FHOD3: variants seen among roughly 807,000 people sequenced by gnomAD.
FHOD3 encodes formin homology 2 domain containing 3.
In FHOD3, 90 loss-of-function variants were observed where a neutral mutation model predicts 173.0. The ratio of observed to expected loss-of-function variants is 0.52; its 90% CI spans 0.44 to 0.62. The LOEUF (loss-of-function observed/expected upper bound fraction) is 0.62, where lower values mean the gene tolerates loss of function less well. FHOD3 is among the 20% of genes least tolerant of loss of function. FHOD3 has a pLI of 0.00. For synonymous variants in FHOD3, 828 were observed against 823.0 expected (o/e 1.01, Z -0.10); for missense variants, 1,945 against 2,034.7 (o/e 0.96, Z 0.85).
intron 3 of FHOD3, among the ~76,000 whole-genome samples, chr18:36,481,768 T>C (rs1381265952): frequency 6.6e-6 from 1 of 152,216 alleles, no homozygotes; most frequent in African/African-American, 2.4e-5. Context: ...TATTTTTCTC[T>C]CATGGCTGAC....
chr18:36,715,443 A>T (rs1005283116), intron 18 of FHOD3, among the ~76,000 whole-genome samples: 1 of 152,140 alleles, frequency 6.6e-6, no homozygotes, highest in African/African-American at 2.4e-5. Context: ...TCTTTCCTTT[A>T]TAAATTACCC....
In FHOD3 at chr18:36,652,659, C is replaced by T. The variant is rs1408163485; in HGVS notation, c.1376C>T (p.Ser459Leu). The change falls in exon 12 of 29, where the codon TCG becomes TTG. Residue 459 changes from serine to leucine, a missense_variant. Coordinates refer to ENST00000590592, the MANE Select transcript of FHOD3 (RefSeq NM_001281740.3). ...CTCCCTGCTGTCTCGAATGCCAGCT[C>T]GCAGGGAAAGCCGCTTCTGGTTGGC... is the stretch of plus-strand genomic sequence containing the variant. ...SALPAVSNAS[S>L]QGKPLLVGTA... 18 of 1,535,502 alleles carry T rather than the reference C, an allele frequency of 1.2e-5. No individual in the cohort carries two copies. Among genetic ancestry groups the T allele is most frequent in the Admixed American group, 2.0e-5 (1 of 50,966 alleles).
chr18:36,337,202 A>G (rs922982929), intron 1 of FHOD3, among the ~76,000 whole-genome samples: 1 of 151,702 alleles, frequency 6.6e-6, no homozygotes, highest in Admixed American at 6.6e-5. Flanking sequence ...TAATTTTTAT[A>G]TTAAAGGTCA....
intron 3 of FHOD3, among the ~76,000 whole-genome samples, chr18:36,469,257 ACTC>A (rs1461813986): frequency 2.0e-5 from 3 of 152,092 alleles, no homozygotes; most frequent in Admixed American, 2.0e-4. Context: ...ATTACTGTTT[ACTC>A]CTTCTTTATG....
At chr18:36,460,347 T>C (rs1351530642) in intron 3 of FHOD3, among the ~76,000 whole-genome samples, 2 of 152,364 alleles carry the variant, frequency 1.3e-5, no homozygotes, top group East Asian at 1.9e-4. Context: ...TATGTATTTA[T>C]TGAGTCATCT....
Position 36,512,530 on chromosome 18 carries a change from C to T in FHOD3, c.498C>T (p.Asn166=). The T allele has an allele frequency of 6.2e-7, 1 of 1,613,526 alleles. No homozygotes were observed. Among genetic ancestry groups the T allele is most frequent in the Non-Finnish European group, 8.5e-7 (1 of 1,179,592 alleles). ...CTGAGGCTGATCAGAACTATCAGAA[C>T]TACATCTTAAGGGGTAAGTCATGAC... ...VGAEADQNYQ[N]YILRALGQIM... Residue 166 remains asparagine (N), a synonymous_variant, in exon 5 of 29, where the codon AAC becomes AAT. Transcript: ENST00000590592.
chr18:36,393,086 C>G (rs1054479191), intron 3 of FHOD3, among the ~76,000 whole-genome samples: 5 of 152,246 alleles, frequency 3.3e-5, no homozygotes, highest in Non-Finnish European at 5.9e-5. Flanking sequence ...GGCAGAAATG[C>G]TGCAGCCAGC....
At chr18:36,754,977 TTATTATTA>T (rs1171088319) in intron 24 of FHOD3, 134 bp from the exon 25 acceptor site, 4 of 44,552 alleles carry the variant, frequency 9.0e-5, no homozygotes, top group South Asian at 9.3e-4. Context: ...GTTGGTTTCT[TTATTATTA>T]TTATTATTAT....
chr18:36,712,832 A>T (rs1216212417), intron 18 of FHOD3, among the ~76,000 whole-genome samples: 3 of 147,888 alleles, frequency 2.0e-5, no homozygotes, highest in Non-Finnish European at 3.0e-5. Flanking sequence ...AAACTTATGA[A>T]AACTAAAGAC....
At chr18:36,752,404 G>A (rs2042440911) in intron 24 of FHOD3, among the ~76,000 whole-genome samples, 1 of 152,222 alleles carries the variant, frequency 6.6e-6, no homozygotes, top group African/African-American at 2.4e-5. Context: ...GGGCTAGACA[G>A]TGGCAGGCTT....
rs908795591 is a variant in FHOD3, at chr18:36,744,336, AT to A, written c.4041+146del. ...CTCTGCTCTGGAGTTTATGAATATG[AT>A]TTGTTTTGTGGCATTTCTAATGAAC... On this transcript the variant is annotated intron_variant, in intron 23 of 28. Coordinates refer to ENST00000590592, the MANE Select transcript of FHOD3 (RefSeq NM_001281740.3). 17 of 829,964 alleles carry A rather than the reference AT, an allele frequency of 2.0e-5. No homozygotes were observed. In the Admixed American group the frequency reaches 4.8e-4, roughly 23 times the overall value. 51.4% of individuals were successfully genotyped at this position (829,964 alleles called of 1,614,324 possible).
chr18:36,721,634 A>G (rs1398827946), intron 19 of FHOD3, among the ~76,000 whole-genome samples: 1 of 152,176 alleles, frequency 6.6e-6, no homozygotes, highest in African/African-American at 2.4e-5. Flanking sequence ...GTGACAGAGC[A>G]AGACTCTGTC....
intron 3 of FHOD3, among the ~76,000 whole-genome samples, chr18:36,412,138 A>C (rs1015993948): frequency 2.0e-5 from 3 of 152,198 alleles, no homozygotes; most frequent in African/African-American, 7.2e-5. Context: ...GAGGGCAGTT[A>C]ATATTGCTCA....
chr18:36,729,396 G>T (rs2041239560), intron 19 of FHOD3, among the ~76,000 whole-genome samples: 1 of 152,174 alleles, frequency 6.6e-6, no homozygotes, highest in Admixed American at 6.5e-5. Context: ...TCACAGCTCT[G>T]GCCAGTGACA....
In FHOD3 at chr18:36,693,219, T is replaced by C. The variant is rs1187152533; in HGVS notation, c.2032T>C (p.Leu678=). 3.1e-6 allele frequency: 5 copies of C among 1,613,304 alleles called. No homozygotes were observed. The highest frequency in any genetic ancestry group is 2.2e-5 in the East Asian group (1 of 44,854). ...RQAREERYKY[L]EQLAAEEHEK... ...GAATTTAACTTTCAGATACAAATAC[T>C]TGGAACAGTTGGCAGCTGAGGAGCA... The change falls in exon 17 of 29, where the codon TTG becomes CTG. Residue 678 remains leucine (L), a synonymous_variant. Coordinates refer to ENST00000590592, the MANE Select transcript of FHOD3 (RefSeq NM_001281740.3).
intron 25 of FHOD3, among the ~76,000 whole-genome samples, chr18:36,758,368 C>T (rs1051134152): frequency 1.3e-5 from 2 of 152,302 alleles, no homozygotes; most frequent in South Asian, 2.1e-4. Flanking sequence ...TTTTCACTCT[C>T]AATTTATGTT....
At chr18:36,338,481 C>T (rs964177840) in intron 1 of FHOD3, among the ~76,000 whole-genome samples, 1 of 152,276 alleles carries the variant, frequency 6.6e-6, no homozygotes, top group Non-Finnish European at 1.5e-5. Flanking sequence ...TGGGTCACAC[C>T]GAGTGTGGCA....
chr18:36,523,219 G>A (rs542622055), intron 5 of FHOD3, among the ~76,000 whole-genome samples: 1 of 152,176 alleles, frequency 6.6e-6, no homozygotes, highest in Non-Finnish European at 1.5e-5. Flanking sequence ...AGCTGGGCTT[G>A]AGTCTGCAAG....
chr18:36,595,455 C>G (rs1449963048), intron 7 of FHOD3, among the ~76,000 whole-genome samples: 1 of 152,188 alleles, frequency 6.6e-6, no homozygotes, highest in Non-Finnish European at 1.5e-5. Context: ...ACCCTTCACC[C>G]TTCAACTCCT....
Sources: gnomAD v4.1 joint callset for allele counts (sites outside exome capture counted in the v4.1 genomes callset) on GRCh38, gnomAD v4.1.1 for gene constraint, MANE v1.5 for transcripts, NCBI Gene and HGNC (gene_info 2026-07-23, HGNC 2026-07-21) for gene names.